CFAP206: variants seen among roughly 807,000 people sequenced by gnomAD.
CFAP206 encodes the protein cilia and flagella associated protein 206, also known as cilia- and flagella-associated protein 206.
CFAP206 carries 53 observed loss-of-function variants against 65.4 expected under a neutral mutation model. The ratio of observed to expected loss-of-function variants is 0.81; its 90% CI spans 0.65 to 1.02. The LOEUF (loss-of-function observed/expected upper bound fraction) is 1.02, where lower values mean the gene tolerates loss of function less well. CFAP206 is among the 50% of genes least tolerant of loss of function. CFAP206 has a pLI of 0.00. For synonymous variants in CFAP206, 250 were observed against 254.4 expected (o/e 0.98, Z 0.17); for missense variants, 663 against 753.2 (o/e 0.88, Z 1.40).
chr6:87,410,303 G>A (rs7746469), intron 2 of CFAP206, among the ~76,000 whole-genome samples: 46,960 of 151,986 alleles, frequency 0.31, 7,479 homozygotes, highest in African/African-American at 0.39. Flanking sequence ...AATAAAATAT[G>A]CCATAGTTTC....
intron 7 of CFAP206, among the ~76,000 whole-genome samples, chr6:87,423,083 AT>A (rs1427247384): frequency 6.6e-6 from 1 of 151,376 alleles, no homozygotes; most frequent in African/African-American, 2.4e-5. Flanking sequence ...CGCCTGGCTA[AT>A]TTTTTTGTAT....
At chr6:87,453,513 C>T (rs1768581367) in intron 11 of CFAP206, among the ~76,000 whole-genome samples, 1 of 152,050 alleles carries the variant, frequency 6.6e-6, no homozygotes, top group Non-Finnish European at 1.5e-5. Flanking sequence ...AAAATAGTAA[C>T]TATAACAACT....
Position 87,435,022 on chromosome 6 carries a change from A to G in CFAP206, c.1463A>G (p.Gln488Arg), listed in dbSNP as rs919051855. ...TTAATTCAACTATTGGAACTTCATC[A>G]ACAGTTTGAAACATTTATTCCATAT... is the stretch of plus-strand genomic sequence containing the variant. ...TELIQLLELHQQFETFIPYSQ... is the reference protein window; with the variant it reads ...TELIQLLELHRQFETFIPYSQ... Residue 488 changes from glutamine (Q) to arginine (R), a missense_variant, in exon 11 of 13, where the codon CAA (glutamine) becomes CGA (arginine). Gln to Arg is a conservative substitution (Grantham distance 43). Transcript: ENST00000369562. 1.2e-6 allele frequency: 2 copies of G among 1,605,556 alleles called. No individual in the cohort carries two copies. The highest frequency in any genetic ancestry group is 8.5e-7 in the Non-Finnish European group (1 of 1,176,162).
intron 11 of CFAP206, among the ~76,000 whole-genome samples, chr6:87,443,350 TTTGA>T (rs1398805924): frequency 6.6e-6 from 1 of 152,130 alleles, no homozygotes; most frequent in African/African-American, 2.4e-5. Context: ...CTCTTTTTAT[TTTGA>T]TTAATCTTGC....
chr6:87,435,113 T>G (rs538308812), intron 11 of CFAP206, 60 bp downstream of exon 11: 2 of 1,267,998 alleles, frequency 1.6e-6, no homozygotes, highest in Non-Finnish European at 2.2e-6. Context: ...AATTTAAAAG[T>G]TGTATTTTGT....
At chr6:87,409,549 C>CATG (rs1767693432) in intron 1 of CFAP206, among the ~76,000 whole-genome samples, 1 of 149,290 alleles carries the variant, frequency 6.7e-6, no homozygotes, top group African/African-American at 2.5e-5. Flanking sequence ...TTAAGAATAT[C>CATG]ATGATAGGAA....
chr6:87,407,997 G>A lies in CFAP206; in HGVS notation c.-98G>A. On this transcript the variant is annotated 5_prime_UTR_variant, in exon 1 of 13. It adds an upstream start codon to the 5' untranslated region. Coordinates refer to ENST00000369562, the MANE Select transcript of CFAP206 (RefSeq NM_001031743.3). ...CTTCCATCTCCATGGTTACGCGGCG[G>A]TGGCTGCGAGCGCCCAACTGCTCCG... is the stretch of plus-strand genomic sequence containing the variant. 1 of 985,678 alleles carries A rather than the reference G, an allele frequency of 1.0e-6. No homozygotes were observed. The highest frequency in any genetic ancestry group is 5.2e-4 in the Middle Eastern group (1 of 1,914). 61.1% of individuals were successfully genotyped at this position (985,678 alleles called of 1,614,324 possible). A position where few individuals can be genotyped will look rare whatever the true frequency, so the allele number is the denominator to read the frequency against.
chr6:87,412,044 G>T (rs1767743394), intron 3 of CFAP206, among the ~76,000 whole-genome samples: 1 of 152,148 alleles, frequency 6.6e-6, no homozygotes, highest in African/African-American at 2.4e-5. Flanking sequence ...AAAATAAGTT[G>T]TTCTCCTTGT....
At chr6:87,412,358 G>C (rs1260500580) in intron 3 of CFAP206, among the ~76,000 whole-genome samples, 1 of 152,154 alleles carries the variant, frequency 6.6e-6, no homozygotes, top group African/African-American at 2.4e-5. Context: ...CTGGTGCTCA[G>C]GGAGATGGGT....
chr6:87,438,348 C>G (rs1305747102), intron 11 of CFAP206, among the ~76,000 whole-genome samples: 2 of 151,418 alleles, frequency 1.3e-5, no homozygotes, highest in Non-Finnish European at 2.9e-5. Flanking sequence ...GTATTCCCAG[C>G]TACTCGGGAG....
rs758085060 is a variant in CFAP206, at chr6:87,431,190, G to A, written c.1300+17G>A. The A allele has an allele frequency of 1.0e-5, 16 of 1,606,392 alleles. No individual in the cohort carries two copies. In the Admixed American group the frequency reaches 1.2e-4, roughly 12 times the overall value. The stretch of plus-strand genomic sequence containing the variant: ...TCCTTCCAGGTATATCATTGGAAAT[G>A]AGACTGCTCTCCTTTCCCCGATTTT... On this transcript the variant is annotated intron_variant, in intron 10 of 12. Coordinates refer to ENST00000369562, the MANE Select transcript of CFAP206 (RefSeq NM_001031743.3).
Position 87,410,625 on chromosome 6 carries a change from T to C in CFAP206, c.149T>C (p.Met50Thr), listed in dbSNP as rs752169177. 9 of 1,614,010 alleles carry C rather than the reference T, an allele frequency of 5.6e-6. No homozygotes were observed. The highest frequency in any genetic ancestry group is 3.3e-4 in the Middle Eastern group (2 of 6,084). Residue 50 changes from methionine (M) to threonine (T), a missense_variant, in exon 3 of 13, where the codon ATG becomes ACG. Physicochemically the swap from Met to Thr is moderately conservative, Grantham distance 81. Coordinates refer to ENST00000369562, the MANE Select transcript of CFAP206 (RefSeq NM_001031743.3). ...VVLDPSNGFN[M>T]DRTLMKSDVQ... ...CTGGATCCAAGTAATGGCTTTAACA[T>C]GGATAGAACCCTCATGAAAAGTGAT...
chr6:87,434,745 G>C (rs1246112657), intron 10 of CFAP206, 115 bp from the exon 11 acceptor site: 1 of 570,742 alleles, frequency 1.8e-6, no homozygotes, highest in African/African-American at 1.9e-5. Context: ...TGGTCTGCCT[G>C]CTTTGGCCTC....
rs189574029 is a variant in CFAP206 at position 87,416,897 on chromosome 6, T to C, written c.631+70T>C. The C allele has an allele frequency of 3.6e-5, 48 of 1,342,638 alleles. 2 individuals are homozygous for C. In the East Asian group the frequency reaches 1.1e-3, roughly 30 times the overall value. 83.2% of individuals were successfully genotyped at this position (1,342,638 alleles called of 1,614,324 possible). On this transcript the variant is annotated intron_variant, in intron 6 of 12. Transcript: ENST00000369562. ...AATTTAACTTGCACAGTGAGGAAAA[T>C]AATAAACAACACACCACTGGCATTC... is the stretch of plus-strand genomic sequence containing the variant.
chr6:87,448,380 TACATA>T (rs1768484176), intron 11 of CFAP206, among the ~76,000 whole-genome samples: 1 of 152,154 alleles, frequency 6.6e-6, no homozygotes, highest in East Asian at 1.9e-4. Flanking sequence ...TTTTTATTGA[TACATA>T]ATAAATGTAT....
intron 5 of CFAP206, 101 bp from the exon 6 acceptor site, chr6:87,416,568 C>T: frequency 5.7e-6 from 6 of 1,053,718 alleles, no homozygotes; most frequent in Non-Finnish European, 8.0e-6. Context: ...ATATAAGTAA[C>T]TCAGACCCTT....
At chr6:87,431,630 G>A (rs968660291) in intron 10 of CFAP206, among the ~76,000 whole-genome samples, 2 of 152,148 alleles carry the variant, frequency 1.3e-5, no homozygotes, top group African/African-American at 4.8e-5. Context: ...GCCAGGCATG[G>A]TGGCACACGC....
chr6:87,460,447 T>C (rs772245023), intron 11 of CFAP206, among the ~76,000 whole-genome samples: 16 of 152,354 alleles, frequency 1.1e-4, no homozygotes, highest in Non-Finnish European at 1.9e-4. Context: ...TATTTACTCA[T>C]GTTATCAGTT....
At position 87,434,919 on chromosome 6, in the gene CFAP206, G is replaced by T. The variant is rs375860563; in HGVS notation, c.1360G>T (p.Asp454Tyr). Residue 454 changes from aspartate (D) to tyrosine (Y), a missense_variant, in exon 11 of 13, where the codon GAT (aspartate) becomes TAT (tyrosine). Transcript: ENST00000369562. ...KEKYYTFNSK[D>Y]AAYSFAENPE... ...AAAATATTACACATTCAATAGTAAA[G>T]ATGCTGCATATTCATTTGCAGAAAA... 139 of 1,534,566 alleles carry T rather than the reference G, an allele frequency of 9.1e-5. No homozygotes were observed. The highest frequency in any genetic ancestry group is 1.2e-4 in the Non-Finnish European group (130 of 1,116,944).
Sources: allele counts gnomAD v4.1 joint callset (sites outside exome capture counted in the v4.1 genomes callset), GRCh38; gene constraint gnomAD v4.1.1; transcripts MANE v1.5; gene names NCBI Gene and HGNC (gene_info 2026-07-23, HGNC 2026-07-21).